IMPG2: variants seen among roughly 807,000 people sequenced by gnomAD.
The protein encoded by IMPG2 is interphotoreceptor matrix proteoglycan 2.
IMPG2 carries 91 observed loss-of-function variants against 129.2 expected under a neutral mutation model. The observed-to-expected ratio is 0.70, with a 90% CI of 0.59 to 0.84. The LOEUF is 0.84. Among genes scored for constraint, IMPG2 ranks in the 40% least tolerant of loss-of-function variants. The pLI is 0.00. For missense variants in IMPG2, 1,430 were observed against 1,461.7 expected (o/e 0.98, Z 0.35); for synonymous variants, 510 against 517.7 (o/e 0.99, Z 0.20).
chr3:101,307,174 A>T (rs2107139534), intron 2 of IMPG2, among the ~76,000 whole-genome samples: 1 of 152,354 alleles, frequency 6.6e-6, no homozygotes, highest in East Asian at 1.9e-4. Context: ...GAGAAATTCA[A>T]ATTAAAGTAT....
At chr3:101,229,253 T>C (rs1706256242) in intron 17 of IMPG2, 127 bp downstream of exon 17, 4 of 803,192 alleles carry the variant, frequency 5.0e-6, no homozygotes, top group Non-Finnish European at 8.4e-6. Context: ...TAAATATTTT[T>C]TACACTTTCT....
At chr3:101,232,363 A>G (rs1252720795) in intron 15 of IMPG2, among the ~76,000 whole-genome samples, 3 of 151,826 alleles carry the variant, frequency 2.0e-5, no homozygotes, top group Non-Finnish European at 1.5e-5. Context: ...TTAGCCTCAC[A>G]AGTAGCTGGG....
rs554858377 is a variant in IMPG2, at chr3:101,248,189, C to T, written c.1240-2084G>A. Reference sequence around the variant, plus strand: ...AATTTCCACGTGTTGTGGGAGGGACCTGGTGGGAGGGGATTGAATCATGGG... The same window carrying T: ...AATTTCCACGTGTTGTGGGAGGGACTTGGTGGGAGGGGATTGAATCATGGG... On this transcript the variant is annotated intron_variant, in intron 11 of 18. Coordinates refer to ENST00000193391, the MANE Select transcript of IMPG2 (RefSeq NM_016247.4). Among the ~76,000 whole-genome samples, 224 of 152,242 alleles carry T rather than the reference C, an allele frequency of 1.5e-3. 1 individual carries two copies. The highest frequency in any genetic ancestry group is 5.0e-3 in the African/African-American group (209 of 41,540).
rs2107234620 is a variant in IMPG2 at position 101,257,548 on chromosome 3, A to G, written c.1134T>C (p.Asp378=). Residue 378 remains aspartate (D), a synonymous_variant, in exon 10 of 19, where the codon GAT becomes GAC. Coordinates refer to ENST00000193391, the MANE Select transcript of IMPG2 (RefSeq NM_016247.4). ...ACTCACCATTGATAAGCTGCAGGGA[A>G]TCAGGATCTGGATTCAAGGAAGAGT... is the stretch of plus-strand genomic sequence containing the variant. ...LGNSSLNPDP[D]SLQLINVRGV... 1.2e-6 allele frequency: 2 copies of G among 1,613,372 alleles called. No homozygotes were observed. Among genetic ancestry groups the G allele is most frequent in the African/African-American group, 2.7e-5 (2 of 74,998 alleles).
At chr3:101,301,787 G>A (rs1707141920) in intron 3 of IMPG2, among the ~76,000 whole-genome samples, 1 of 152,122 alleles carries the variant, frequency 6.6e-6, no homozygotes, top group Non-Finnish European at 1.5e-5. Flanking sequence ...TTGGCCTGGA[G>A]TACTGATGCA....
At chr3:101,317,781 GCTT>G (rs1249958557) in intron 2 of IMPG2, among the ~76,000 whole-genome samples, 2 of 151,948 alleles carry the variant, frequency 1.3e-5, no homozygotes, top group East Asian at 3.9e-4. Context: ...ATTTTTGTCA[GCTT>G]CTTTTTCAAC....
chr3:101,264,813 T>TA (rs1185191113), intron 9 of IMPG2, among the ~76,000 whole-genome samples: 2 of 151,676 alleles, frequency 1.3e-5, no homozygotes, highest in African/African-American at 2.4e-5. Context: ...AAGACTCCAT[T>TA]AAAAAAACTC....
At chr3:101,287,332 T>C (rs1163528134) in intron 4 of IMPG2, among the ~76,000 whole-genome samples, 1 of 152,198 alleles carries the variant, frequency 6.6e-6, no homozygotes, top group African/African-American at 2.4e-5. Context: ...AATTTACAGA[T>C]TCAATGCTAT....
At chr3:101,298,274 T>C (rs1707102056) in intron 3 of IMPG2, among the ~76,000 whole-genome samples, 2 of 152,200 alleles carry the variant, frequency 1.3e-5, no homozygotes, top group South Asian at 4.1e-4. Flanking sequence ...TCCCTTTATT[T>C]TGAGCCTATG....
chr3:101,308,730 T>A (rs1193544061), intron 2 of IMPG2, among the ~76,000 whole-genome samples: 4 of 152,274 alleles, frequency 2.6e-5, no homozygotes, highest in African/African-American at 7.2e-5. Flanking sequence ...TGCAAATTTC[T>A]GCAACCAGCT....
intron 10 of IMPG2, among the ~76,000 whole-genome samples, chr3:101,256,170 AAAGAAAGAAAG>A (rs1706601789): frequency 6.8e-6 from 1 of 147,996 alleles, no homozygotes; most frequent in African/African-American, 2.5e-5. Context: ...AGAAAGAAAG[AAAGAAAGAAAG>A]AAAGAAAGAA....
At chr3:101,227,886 T>G in intron 18 of IMPG2, 1 of 456,094 alleles carries the variant, frequency 2.2e-6, no homozygotes, top group South Asian at 1.5e-5. Context: ...GAATTTTGAG[T>G]AAAGGGGCAG....
At chr3:101,311,132 A>T (rs1445776873) in intron 2 of IMPG2, among the ~76,000 whole-genome samples, 1 of 151,862 alleles carries the variant, frequency 6.6e-6, no homozygotes, top group Non-Finnish European at 1.5e-5. Context: ...CTAGGGGCAC[A>T]TGACTAATGA....
chr3:101,271,315 T>C (rs1706781222), intron 7 of IMPG2, among the ~76,000 whole-genome samples: 1 of 152,106 alleles, frequency 6.6e-6, no homozygotes, highest in Non-Finnish European at 1.5e-5. Flanking sequence ...CTAAAAGCAC[T>C]CCATTAACTG....
At chr3:101,253,906 CACTT>C in intron 10 of IMPG2, 125 bp from the exon 11 acceptor site, 1 of 681,332 alleles carries the variant, frequency 1.5e-6, no homozygotes, top group South Asian at 1.6e-5. Context: ...ATACGGGACA[CACTT>C]ACTTAGAAAA....
At chr3:101,240,542 C>T (rs1308836591) in intron 14 of IMPG2, among the ~76,000 whole-genome samples, 2 of 152,120 alleles carry the variant, frequency 1.3e-5, no homozygotes, top group Non-Finnish European at 2.9e-5. Context: ...AGAATAGTCT[C>T]ATAAAATACA....
chr3:101,269,237 G>A (rs1706752700), intron 8 of IMPG2, among the ~76,000 whole-genome samples: 1 of 152,126 alleles, frequency 6.6e-6, no homozygotes, highest in South Asian at 2.1e-4. Context: ...TAAGACCTAC[G>A]TAACTTGTCA....
At chr3:101,288,259 G>T (rs954900616) in intron 4 of IMPG2, among the ~76,000 whole-genome samples, 5 of 152,140 alleles carry the variant, frequency 3.3e-5, no homozygotes, top group African/African-American at 1.2e-4. Flanking sequence ...CAGAGAAAAA[G>T]AAATGCTTAT....
At chr3:101,304,337 T>A (rs775953640) in intron 2 of IMPG2, 25 bp from the exon 3 acceptor site, 3 of 1,608,106 alleles carry the variant, frequency 1.9e-6, no homozygotes, top group African/African-American at 1.3e-5. Flanking sequence ...GGTGTTTTTT[T>A]ACAAAAAGCT....
Sources: gnomAD v4.1 joint callset for allele counts (sites outside exome capture counted in the v4.1 genomes callset) on GRCh38, gnomAD v4.1.1 for gene constraint, MANE v1.5 for transcripts, NCBI Gene and HGNC (gene_info 2026-07-23, HGNC 2026-07-21) for gene names.